L3MBTL4: variants seen among roughly 807,000 people sequenced by gnomAD.
L3MBTL4 encodes the protein lethal(3)malignant brain tumor-like protein 4.
In L3MBTL4, 70 loss-of-function variants were observed where a neutral mutation model predicts 84.5. That is an observed-to-expected ratio of 0.83 (90% CI 0.68 to 1.01). The LOEUF is 1.01. L3MBTL4 is among the 50% of genes least tolerant of loss of function. The probability of loss-of-function intolerance (pLI) is 0.00; values close to 1 mark genes in which losing one functional copy is unlikely to be tolerated. For missense variants in L3MBTL4, 715 were observed against 754.8 expected (o/e 0.95, Z 0.62); for synonymous variants, 274 against 259.8 (o/e 1.05, Z -0.52).
At chr18:6,030,980 C>A (rs1297699814) in intron 16 of L3MBTL4, 6 of 985,038 alleles carry the variant, frequency 6.1e-6, no homozygotes, top group Non-Finnish European at 7.2e-6. Flanking sequence ...ATTAATTCTA[C>A]AATTTCATCT....
chr18:6,084,755 T>C (rs895845283), intron 15 of L3MBTL4, among the ~76,000 whole-genome samples: 1 of 152,166 alleles, frequency 6.6e-6, no homozygotes, highest in Non-Finnish European at 1.5e-5. Flanking sequence ...GGATGTGCTA[T>C]TGGATCATAC....
intron 4 of L3MBTL4, among the ~76,000 whole-genome samples, chr18:6,282,950 T>C (rs2049390122): frequency 6.6e-6 from 1 of 152,132 alleles, no homozygotes; most frequent in African/African-American, 2.4e-5. Context: ...CCCTTGAACC[T>C]CCAGGCAGCC....
At chr18:6,393,088 A>T (rs76974549) in intron 1 of L3MBTL4, among the ~76,000 whole-genome samples, 78,396 of 151,858 alleles carry the variant, frequency 0.52, 20,300 homozygotes, top group East Asian at 0.59. Flanking sequence ...AAAAAAAAAA[A>T]TTTTAACTAT....
At chr18:6,049,679 C>T (rs1015218194) in intron 16 of L3MBTL4, among the ~76,000 whole-genome samples, 1 of 151,960 alleles carries the variant, frequency 6.6e-6, no homozygotes, top group Non-Finnish European at 1.5e-5. Context: ...TACTCATGGA[C>T]ATAAAGGTGG....
At chr18:6,318,359 C>T (rs2147021459) in intron 1 of L3MBTL4, among the ~76,000 whole-genome samples, 1 of 151,258 alleles carries the variant, frequency 6.6e-6, no homozygotes, top group East Asian at 1.9e-4. Flanking sequence ...ATTTTAGAAA[C>T]CCACTTAATA....
At chr18:6,090,511 A>G (rs940617130) in intron 15 of L3MBTL4, among the ~76,000 whole-genome samples, 12 of 151,636 alleles carry the variant, frequency 7.9e-5, no homozygotes, top group Non-Finnish European at 1.2e-4. Flanking sequence ...TTGGAAGCTT[A>G]TCAAAGTTAA....
intron 13 of L3MBTL4, among the ~76,000 whole-genome samples, chr18:6,170,812 A>G (rs1282432662): frequency 6.6e-6 from 1 of 152,154 alleles, no homozygotes; most frequent in African/African-American, 2.4e-5. Context: ...ATAAAAAGCG[A>G]GACCAGAGGA....
intron 16 of L3MBTL4, among the ~76,000 whole-genome samples, chr18:6,064,636 A>G (rs1294815618): frequency 1.8e-4 from 25 of 136,616 alleles, no homozygotes; most frequent in African/African-American, 6.6e-4. Context: ...AAAGGGATTG[A>G]GTTCTTGATT....
chr18:6,038,988 ACTCT>A (rs1011582958), intron 16 of L3MBTL4, among the ~76,000 whole-genome samples: 4 of 150,906 alleles, frequency 2.7e-5, no homozygotes, highest in African/African-American at 4.9e-5. Flanking sequence ...GAGAGCACCT[ACTCT>A]CTCTCTTTCT....
intron 4 of L3MBTL4, among the ~76,000 whole-genome samples, chr18:6,297,739 G>A (rs2050165797): frequency 6.6e-6 from 1 of 152,178 alleles, no homozygotes; most frequent in Non-Finnish European, 1.5e-5. Flanking sequence ...ACAACTTAGA[G>A]ATGATAATTG....
At chr18:6,345,425 A>AAAC (rs1568528874) in intron 1 of L3MBTL4, among the ~76,000 whole-genome samples, 59 of 151,002 alleles carry the variant, frequency 3.9e-4, no homozygotes, top group African/African-American at 1.2e-3. Context: ...AACAAACAAA[A>AAAC]AAAACCATAA....
intron 1 of L3MBTL4, among the ~76,000 whole-genome samples, chr18:6,320,373 C>T (rs1382150748): frequency 6.6e-6 from 1 of 151,996 alleles, no homozygotes; most frequent in Non-Finnish European, 1.5e-5. Flanking sequence ...ATCTAGAAAA[C>T]CCTAAAGACT....
intron 4 of L3MBTL4, among the ~76,000 whole-genome samples, chr18:6,295,121 A>G (rs1466357930): frequency 6.6e-6 from 1 of 151,792 alleles, no homozygotes; most frequent in African/African-American, 2.4e-5. Flanking sequence ...AAAATACAAA[A>G]ATTATCTGGG....
intron 16 of L3MBTL4, among the ~76,000 whole-genome samples, chr18:6,051,265 G>A (rs567264404): frequency 5.9e-5 from 9 of 152,314 alleles, no homozygotes; most frequent in Admixed American, 2.6e-4. Context: ...CAGGCCGGGC[G>A]CAGTGGCTCA....
chr18:6,114,728 C>T (rs1338368151), intron 14 of L3MBTL4, among the ~76,000 whole-genome samples: 2 of 152,204 alleles, frequency 1.3e-5, no homozygotes, highest in African/African-American at 4.8e-5. Context: ...ATTCTCAAAT[C>T]TATTTTTCAA....
At chr18:5,971,005 A>C (rs149801429) in intron 16 of L3MBTL4, among the ~76,000 whole-genome samples, 3 of 152,150 alleles carry the variant, frequency 2.0e-5, no homozygotes, top group African/African-American at 7.2e-5. Flanking sequence ...CTTCTCCCCA[A>C]TTCTTATGCT....
At chr18:5,999,993 C>A (rs140728838) in intron 16 of L3MBTL4, among the ~76,000 whole-genome samples, 2 of 151,912 alleles carry the variant, frequency 1.3e-5, no homozygotes, top group Non-Finnish European at 2.9e-5. Flanking sequence ...GAGAGAGAAA[C>A]CTTTTAGTTG....
chr18:6,251,589 C>G (rs1283004370), intron 5 of L3MBTL4, among the ~76,000 whole-genome samples: 2 of 152,108 alleles, frequency 1.3e-5, no homozygotes, highest in African/African-American at 4.8e-5. Flanking sequence ...ATCTGGCTTT[C>G]CTGTTTGAGT....
intron 15 of L3MBTL4, among the ~76,000 whole-genome samples, chr18:6,083,622 A>G (rs548407033): frequency 4.6e-5 from 7 of 152,340 alleles, no homozygotes; most frequent in South Asian, 2.1e-4. Context: ...ATCTCTGTCT[A>G]AATCTCCAGG....
Sources: allele counts gnomAD v4.1 joint callset (sites outside exome capture counted in the v4.1 genomes callset), GRCh38; gene constraint gnomAD v4.1.1; transcripts MANE v1.5; gene names NCBI Gene and HGNC (gene_info 2026-07-23, HGNC 2026-07-21).